The following LCA5 variants were observed in gnomAD, a reference collection of about 807,000 sequenced individuals.
The protein encoded by LCA5 is lebercilin LCA5.
A neutral mutation model predicts 53.0 loss-of-function variants in LCA5; 37 were observed. That is an observed-to-expected ratio of 0.70 (90% CI 0.54 to 0.92). The LOEUF is 0.92. Ranked by LOEUF, LCA5 falls within the 40% of genes least tolerant of loss-of-function variation. The pLI, the probability that LCA5 is intolerant of heterozygous loss-of-function variation, is 0.00. For synonymous variants in LCA5, 303 were observed against 282.9 expected (o/e 1.07, Z -0.71); for missense variants, 806 against 790.5 (o/e 1.02, Z -0.23).
intron 3 of LCA5, among the ~76,000 whole-genome samples, chr6:79,495,558 T>G (rs960247036): frequency 1.3e-5 from 2 of 152,022 alleles, no homozygotes; most frequent in African/African-American, 4.8e-5. Context: ...AAGACCATCC[T>G]GGCTAACACA....
intron 1 of LCA5, among the ~76,000 whole-genome samples, chr6:79,521,220 T>A (rs936407442): frequency 3.9e-5 from 6 of 152,240 alleles, no homozygotes; most frequent in Non-Finnish European, 8.8e-5. Flanking sequence ...TTTCTTTGTA[T>A]ATAATTTTTG....
At chr6:79,526,617 G>A (rs1365673305) in intron 1 of LCA5, among the ~76,000 whole-genome samples, 1 of 152,054 alleles carries the variant, frequency 6.6e-6, no homozygotes, top group Non-Finnish European at 1.5e-5. Flanking sequence ...TCAGACAATG[G>A]GAGCCCCTTT....
intron 3 of LCA5, among the ~76,000 whole-genome samples, chr6:79,512,332 A>G (rs1352592534): frequency 6.6e-6 from 1 of 152,092 alleles, no homozygotes. Flanking sequence ...GGAAAAAAAT[A>G]GCCGCTTTTT....
intron 3 of LCA5, among the ~76,000 whole-genome samples, chr6:79,499,281 T>A (rs1330091578): frequency 6.6e-6 from 1 of 151,652 alleles, no homozygotes; most frequent in Non-Finnish European, 1.5e-5. Flanking sequence ...ATTAAAAATA[T>A]ATATACATGT....
chr6:79,526,088 C>T (rs923190430), intron 1 of LCA5, among the ~76,000 whole-genome samples: 13 of 152,128 alleles, frequency 8.5e-5, no homozygotes, highest in Non-Finnish European at 1.8e-4. Context: ...GAAGGCCTCC[C>T]GAACTAAGAC....
chr6:79,491,790 T>C, intron 5 of LCA5, 60 bp from the exon 6 acceptor site: 1 of 1,452,074 alleles, frequency 6.9e-7, no homozygotes, highest in Non-Finnish European at 9.6e-7. Context: ...ATATATGGAA[T>C]TCAGCTGGCA....
At chr6:79,502,229 T>C (rs1562100630) in intron 3 of LCA5, among the ~76,000 whole-genome samples, 1 of 152,196 alleles carries the variant, frequency 6.6e-6, no homozygotes, top group Non-Finnish European at 1.5e-5. Context: ...TTCAGTCCTC[T>C]GGAGGATAAT....
intron 1 of LCA5, among the ~76,000 whole-genome samples, chr6:79,531,624 G>A (rs1766961226): frequency 1.3e-5 from 2 of 152,042 alleles, no homozygotes; most frequent in African/African-American, 2.4e-5. Flanking sequence ...CATCAGCCAA[G>A]TTTCTTATTT....
chr6:79,527,401 C>A (rs999611805), intron 1 of LCA5, among the ~76,000 whole-genome samples: 5 of 152,168 alleles, frequency 3.3e-5, no homozygotes, highest in Non-Finnish European at 4.4e-5. Context: ...TCCTCCCTAC[C>A]CAATCAAGTT....
Position 79,494,490 on chromosome 6 carries a change from T to TATAG in LCA5, c.721-744_721-741dup, listed in dbSNP as rs533125153. On this transcript the variant is annotated intron_variant, in intron 3 of 7. Transcript: ENST00000369846. ...CTTGCGGGCTTTTTTTAAAGCATCT[T>TATAG]ATAGATAGATAGATAGATAGATAAC... Among the ~76,000 whole-genome samples the TATAG allele has an allele frequency of 1.3e-3, 192 of 151,104 alleles. 1 individual carries two copies. Among genetic ancestry groups the TATAG allele is most frequent in the East Asian group, 2.7e-3 (14 of 5,174 alleles).
In LCA5 at chr6:79,489,131, T is replaced by A. The variant is rs1418089523; in HGVS notation, c.1184A>T (p.Asp395Val). The A allele has an allele frequency of 6.2e-7, 1 of 1,613,314 alleles. No homozygotes were observed. The highest frequency in any genetic ancestry group is 8.5e-7 in the Non-Finnish European group (1 of 1,179,742). The change falls in exon 7 of 8, where the codon GAT becomes GTT. Residue 395 changes from aspartate to valine, a missense_variant. Coordinates refer to ENST00000369846, the MANE Select transcript of LCA5 (RefSeq NM_001122769.3). ...CTGTTTTACGACATGGAGTTCTTCATCTGTAACAAATTTTTCTTCTCTTTC... is the reference window on the plus strand; with the variant it reads ...CTGTTTTACGACATGGAGTTCTTCAACTGTAACAAATTTTTCTTCTCTTTC... ...IMEREEKFVTDEELHVVKQEV... is the reference protein window; with the variant it reads ...IMEREEKFVTVEELHVVKQEV...
At chr6:79,517,083 T>C (rs931360709) in intron 2 of LCA5, among the ~76,000 whole-genome samples, 4 of 152,046 alleles carry the variant, frequency 2.6e-5, no homozygotes, top group Admixed American at 2.0e-4. Flanking sequence ...TGAATCACAT[T>C]TGTTTTGTCC....
intron 1 of LCA5, among the ~76,000 whole-genome samples, chr6:79,534,058 G>C (rs1206997957): frequency 2.0e-5 from 3 of 148,048 alleles, no homozygotes; most frequent in African/African-American, 7.4e-5. Context: ...TGGAAGAGGA[G>C]CAGTTACACT....
intron 6 of LCA5, among the ~76,000 whole-genome samples, chr6:79,490,917 CT>C (rs1470373170): frequency 6.6e-6 from 1 of 151,874 alleles, no homozygotes; most frequent in East Asian, 1.9e-4. Context: ...AATGAAGGTC[CT>C]TTTAAATGAA....
intron 1 of LCA5, among the ~76,000 whole-genome samples, chr6:79,521,731 A>G (rs1317670931): frequency 2.0e-5 from 3 of 152,208 alleles, no homozygotes; most frequent in African/African-American, 7.2e-5. Flanking sequence ...CCTAGAACCC[A>G]GATCTAGTGT....
chr6:79,526,953 C>T (rs1168159441), intron 1 of LCA5, among the ~76,000 whole-genome samples: 3 of 152,126 alleles, frequency 2.0e-5, no homozygotes, highest in African/African-American at 7.2e-5. Flanking sequence ...CTGGCCATAT[C>T]CTCCACCCTG....
At chr6:79,509,061 A>G (rs1196181087) in intron 3 of LCA5, among the ~76,000 whole-genome samples, 2 of 152,072 alleles carry the variant, frequency 1.3e-5, no homozygotes, top group African/African-American at 4.8e-5. Context: ...GAGAACAATT[A>G]CCCTCAGGTG....
chr6:79,519,152 T>C, intron 1 of LCA5, 67 bp from the exon 2 acceptor site: 1 of 507,752 alleles, frequency 2.0e-6, no homozygotes, highest in Non-Finnish European at 3.5e-6. Context: ...TTAATTACAA[T>C]GAAAGACACT....
rs137971422 is a variant in LCA5, at chr6:79,518,869, C to T, written c.26G>A (p.Gly9Asp). 9 of 1,613,932 alleles carry T rather than the reference C, an allele frequency of 5.6e-6. No individual in the cohort carries two copies. In the African/African-American group the frequency reaches 1.2e-4, roughly 22 times the overall value. MGERAGSP[G>D]TDQERKAGKH... ...GCCTGCCTTTCTTTCTTGATCAGTA[C>T]CTGGACTTCCTGCTCTTTCCCCCAT... Residue 9 changes from glycine (G) to aspartate (D), a missense_variant, in exon 2 of 8, where the codon GGT becomes GAT. Gly to Asp is a moderately conservative substitution (Grantham distance 94, BLOSUM62 -1). Coordinates refer to ENST00000369846, the MANE Select transcript of LCA5 (RefSeq NM_001122769.3).
Sources: gnomAD v4.1 joint callset for allele counts (sites outside exome capture counted in the v4.1 genomes callset) on GRCh38, gnomAD v4.1.1 for gene constraint, MANE v1.5 for transcripts, NCBI Gene and HGNC (gene_info 2026-07-23, HGNC 2026-07-21) for gene names.